Variants in CDH13 observed in about 807,000 individuals in gnomAD.
CDH13 encodes the protein cadherin-13.
A neutral mutation model predicts 63.8 loss-of-function variants in CDH13; 24 were observed. The ratio of observed to expected loss-of-function variants is 0.38; its 90% CI spans 0.27 to 0.53. The LOEUF is 0.53. CDH13 is among the 20% of genes least tolerant of loss of function. CDH13 has a pLI of 0.85. For missense variants in CDH13, 1,049 were observed against 903.1 expected, an observed-to-expected ratio of 1.16 and a Z score of -2.07; for synonymous variants, 503 against 355.3, an observed-to-expected ratio of 1.42 and a Z score of -4.67.
intron 3 of CDH13, among the ~76,000 whole-genome samples, chr16:83,095,687 C>G (rs1356503107): frequency 6.6e-6 from 1 of 152,088 alleles, no homozygotes; most frequent in Non-Finnish European, 1.5e-5. Flanking sequence ...CCGGTACAAC[C>G]TAGTTAACTG....
chr16:82,811,406 A>C (rs1054149238), intron 1 of CDH13, among the ~76,000 whole-genome samples: 11 of 152,190 alleles, frequency 7.2e-5, no homozygotes, highest in African/African-American at 2.7e-4. Context: ...ATTTTGAAGT[A>C]GTGATGAGTA....
intron 6 of CDH13, among the ~76,000 whole-genome samples, chr16:83,475,086 C>T (rs925998254): frequency 4.6e-5 from 7 of 152,202 alleles, no homozygotes; most frequent in African/African-American, 1.4e-4. Context: ...TTTGCAGAGC[C>T]CATTGTAAAA....
At chr16:83,653,810 C>G (rs1912614725) in intron 8 of CDH13, among the ~76,000 whole-genome samples, 1 of 152,200 alleles carries the variant, frequency 6.6e-6, no homozygotes, top group African/African-American at 2.4e-5. Context: ...GGACAACACT[C>G]ATGACAGAAG....
chr16:82,792,122 C>G (rs545423356), intron 1 of CDH13, among the ~76,000 whole-genome samples: 1 of 152,182 alleles, frequency 6.6e-6, no homozygotes, highest in Non-Finnish European at 1.5e-5. Flanking sequence ...CCTTCCTTCA[C>G]ATAAACCATC....
intron 2 of CDH13, among the ~76,000 whole-genome samples, chr16:82,940,252 C>G (rs1487262732): frequency 6.6e-6 from 1 of 152,158 alleles, no homozygotes; most frequent in Non-Finnish European, 1.5e-5. Flanking sequence ...AATCCTGGTT[C>G]CGTCACTTGA....
At chr16:83,560,294 G>A (rs960766531) in intron 7 of CDH13, among the ~76,000 whole-genome samples, 4 of 152,148 alleles carry the variant, frequency 2.6e-5, no homozygotes, top group Admixed American at 6.5e-5. Context: ...ATGCTACAAA[G>A]ATAAAAGTTG....
intron 6 of CDH13, among the ~76,000 whole-genome samples, chr16:83,431,063 C>T (rs536063912): frequency 4.0e-5 from 6 of 149,370 alleles, no homozygotes; most frequent in African/African-American, 1.5e-4. Flanking sequence ...TGAGAGTATG[C>T]AGTGTTTGGT....
chr16:83,680,368 C>G (rs369535869), intron 10 of CDH13, among the ~76,000 whole-genome samples: 1 of 152,138 alleles, frequency 6.6e-6, no homozygotes, highest in African/African-American at 2.4e-5. Flanking sequence ...GGGCCGCTGA[C>G]TGAGAAGGAG....
intron 5 of CDH13, among the ~76,000 whole-genome samples, chr16:83,221,800 G>T (rs569610284): frequency 6.6e-6 from 1 of 152,172 alleles, no homozygotes; most frequent in African/African-American, 2.4e-5. Context: ...TCAGATAACT[G>T]GGAATGTCAG....
intron 2 of CDH13, among the ~76,000 whole-genome samples, chr16:83,007,377 G>C (rs1466648974): frequency 6.6e-6 from 1 of 152,138 alleles, no homozygotes; most frequent in Admixed American, 6.5e-5. Context: ...TCACACGTGA[G>C]GAAACTATGG....
chr16:82,660,533 A>G (rs1182326258), intron 1 of CDH13, among the ~76,000 whole-genome samples: 1 of 152,150 alleles, frequency 6.6e-6, no homozygotes, highest in Non-Finnish European at 1.5e-5. Flanking sequence ...ATTCAGAGCA[A>G]GACCTGGCAA....
chr16:83,607,245 C>T (rs1343871802), intron 8 of CDH13, among the ~76,000 whole-genome samples: 1 of 151,990 alleles, frequency 6.6e-6, no homozygotes, highest in African/African-American at 2.4e-5. Flanking sequence ...TGGTGAAACC[C>T]TGTCTCTACT....
intron 3 of CDH13, among the ~76,000 whole-genome samples, chr16:83,111,906 A>G (rs1481919611): frequency 3.3e-5 from 5 of 152,174 alleles, no homozygotes; most frequent in African/African-American, 1.2e-4. Flanking sequence ...CCTGGATCTC[A>G]TGCATGTTAA....
chr16:82,822,815 A>G (rs1341339708), intron 1 of CDH13, among the ~76,000 whole-genome samples: 2 of 152,190 alleles, frequency 1.3e-5, no homozygotes, highest in African/African-American at 2.4e-5. Flanking sequence ...TTTTGAAGCA[A>G]ATTAGTGCCT....
chr16:83,292,485 A>G (rs16960138), intron 5 of CDH13, among the ~76,000 whole-genome samples: 5,501 of 152,208 alleles, frequency 0.036, 333 homozygotes, highest in African/African-American at 0.12. Flanking sequence ...ATTTTTAAAT[A>G]AAGCAGCTTT....
chr16:82,860,118 T>G (rs1274727090), intron 2 of CDH13, among the ~76,000 whole-genome samples: 1 of 152,312 alleles, frequency 6.6e-6, no homozygotes. Flanking sequence ...TCTCTTCCTC[T>G]GTCTTCCTTT....
intron 1 of CDH13, among the ~76,000 whole-genome samples, chr16:82,664,098 T>C (rs572078878): frequency 5.4e-4 from 82 of 152,364 alleles, no homozygotes; most frequent in African/African-American, 1.9e-3. Flanking sequence ...GGGTGGTTTT[T>C]CGAAGTCAGT....
chr16:83,236,751 A>T (rs770079335), intron 5 of CDH13, among the ~76,000 whole-genome samples: 12 of 152,134 alleles, frequency 7.9e-5, no homozygotes, highest in Non-Finnish European at 1.5e-4. Flanking sequence ...ATGGAATATT[A>T]TACAGCCATA....
intron 2 of CDH13, among the ~76,000 whole-genome samples, chr16:82,932,117 C>G (rs1007864847): frequency 3.9e-5 from 6 of 152,144 alleles, no homozygotes; most frequent in Admixed American, 1.3e-4. Context: ...GAAGGAATCA[C>G]TCACAGAAGT....
Sources: allele counts gnomAD v4.1 joint callset (sites outside exome capture counted in the v4.1 genomes callset), GRCh38; gene constraint gnomAD v4.1.1; transcripts MANE v1.5; gene names NCBI Gene and HGNC (gene_info 2026-07-23, HGNC 2026-07-21).